The following WDR7 variants were observed in gnomAD, a reference collection of about 807,000 sequenced individuals.
The protein encoded by WDR7 is WD repeat domain 7.
Under a neutral mutation model 169.4 loss-of-function variants are expected in WDR7, and 46 were observed. That is an observed-to-expected ratio of 0.27 (90% CI 0.21 to 0.35). The LOEUF (loss-of-function observed/expected upper bound fraction) is 0.35. WDR7 is among the 10% of genes least tolerant of loss of function. WDR7 has a pLI of 1.00. For missense variants in WDR7, 1,534 were observed against 1,859.3 expected (o/e 0.83, Z 3.22); for synonymous variants, 612 against 666.8 (o/e 0.92, Z 1.27).
intron 20 of WDR7, among the ~76,000 whole-genome samples, chr18:56,827,837 A>G (rs1334549837): frequency 1.3e-5 from 2 of 152,144 alleles, no homozygotes; most frequent in Non-Finnish European, 2.9e-5. Flanking sequence ...TGCACCTACT[A>G]TATACCCACA....
intron 21 of WDR7, among the ~76,000 whole-genome samples, chr18:56,898,094 A>G (rs2046353303): frequency 6.6e-6 from 1 of 151,998 alleles, no homozygotes; most frequent in South Asian, 2.1e-4. Flanking sequence ...TGTGATGTCA[A>G]AAAATAAGGG....
chr18:57,021,750 TTTG>T (rs1412747617), intron 27 of WDR7, among the ~76,000 whole-genome samples: 15 of 152,354 alleles, frequency 9.8e-5, no homozygotes, highest in Admixed American at 3.9e-4. Context: ...AATTTAAAAT[TTTG>T]TTGTTACCTT....
In WDR7 at chr18:57,029,722, A is replaced by C. The variant is rs974275613; in HGVS notation, c.*2515A>C. On this transcript the variant is annotated 3_prime_UTR_variant, in exon 28 of 28. Coordinates refer to ENST00000254442, the MANE Select transcript of WDR7 (RefSeq NM_015285.3). ...TCTCCAGACATTTCTTAATGATTCC[A>C]CTTAATAGACTCTATGTGTGCTGAA... 2 of 152,156 alleles carry C rather than the reference A, an allele frequency of 1.3e-5. No individual in the cohort carries two copies. Among genetic ancestry groups the C allele is most frequent in the African/African-American group, 4.8e-5 (2 of 41,430 alleles). The allele number at this position is 152,156 out of a possible 1,614,324, so 9.4% of individuals were successfully genotyped here.
intron 20 of WDR7, among the ~76,000 whole-genome samples, chr18:56,834,632 C>T (rs1034950094): frequency 6.6e-6 from 1 of 151,980 alleles, no homozygotes; most frequent in Non-Finnish European, 1.5e-5. Context: ...GGACCATGCC[C>T]CCACTAGCAG....
chr18:56,780,398 G>A (rs74619241), intron 18 of WDR7, among the ~76,000 whole-genome samples: 11,346 of 152,006 alleles, frequency 0.075, 500 homozygotes, highest in Middle Eastern at 0.16. Flanking sequence ...ACTCCAAATG[G>A]GATTGCAGAA....
At chr18:56,748,498 A>C (rs1432851521) in intron 14 of WDR7, among the ~76,000 whole-genome samples, 1 of 152,204 alleles carries the variant, frequency 6.6e-6, no homozygotes, top group East Asian at 1.9e-4. Context: ...TATTTTCTTT[A>C]TCAAAGGCAT....
intron 14 of WDR7, among the ~76,000 whole-genome samples, chr18:56,751,633 A>T (rs937426163): frequency 2.0e-5 from 3 of 152,180 alleles, no homozygotes; most frequent in African/African-American, 7.2e-5. Flanking sequence ...CGTAATACCT[A>T]GTCTGGTGCC....
Position 56,816,129 on chromosome 18 carries a change from G to A in WDR7, c.3289G>A (p.Asp1097Asn). The A allele has an allele frequency of 1.9e-6, 3 of 1,613,436 alleles. No individual in the cohort carries two copies. Among genetic ancestry groups the A allele is most frequent in the Non-Finnish European group, 1.7e-6 (2 of 1,179,790 alleles). Reference sequence around the variant, plus strand: ...GGAGGAAGAGCATGACCTTGTTGACGATGACATCACCACTGGTAAGCACAG... The same window carrying A: ...GGAGGAAGAGCATGACCTTGTTGACAATGACATCACCACTGGTAAGCACAG... Reference protein sequence around the residue: ...VQEEEHDLVDDDITTGCLSSV... With the variant: ...VQEEEHDLVDNDITTGCLSSV... Residue 1097 changes from aspartate (D) to asparagine (N), a missense_variant, in exon 20 of 28, where the codon GAT becomes AAT. Asp to Asn is a conservative substitution (Grantham distance 23, BLOSUM62 1). Coordinates refer to ENST00000254442, the MANE Select transcript of WDR7 (RefSeq NM_015285.3).
chr18:56,826,288 A>G (rs1568217227), intron 20 of WDR7, among the ~76,000 whole-genome samples: 1 of 95,864 alleles, frequency 1.0e-5, no homozygotes, highest in African/African-American at 2.9e-5. Context: ...AATGACAACA[A>G]TGTCTCATAA....
intron 14 of WDR7, among the ~76,000 whole-genome samples, chr18:56,736,718 A>G (rs1248756500): frequency 1.3e-5 from 2 of 152,072 alleles, no homozygotes; most frequent in Non-Finnish European, 2.9e-5. Flanking sequence ...TGGTTTGGTC[A>G]GAAATCAGGG....
chr18:56,804,271 C>T (rs914984532), intron 19 of WDR7, among the ~76,000 whole-genome samples: 2 of 152,194 alleles, frequency 1.3e-5, no homozygotes, highest in African/African-American at 4.8e-5. Flanking sequence ...AATCTTGAAA[C>T]ACACAATCTC....
intron 14 of WDR7, chr18:56,753,347 A>C (rs894291602): frequency 6.6e-6 from 1 of 152,214 alleles, no homozygotes; most frequent in Non-Finnish European, 1.5e-5. Flanking sequence ...AATTTTCATA[A>C]TAGTCTTTGT....
At chr18:56,747,034 C>T (rs2043715431) in intron 14 of WDR7, among the ~76,000 whole-genome samples, 1 of 152,204 alleles carries the variant, frequency 6.6e-6, no homozygotes. Flanking sequence ...ATTTCCAGTG[C>T]TCAGCACAGT....
chr18:56,934,242 C>T (rs2046927870), intron 22 of WDR7, among the ~76,000 whole-genome samples: 4 of 152,140 alleles, frequency 2.6e-5, no homozygotes, highest in Admixed American at 6.5e-5. Flanking sequence ...ATTAAGCAGT[C>T]TAGCCCCAGC....
rs80101751 is a variant in WDR7 at position 56,859,194 on chromosome 18, C to T, written c.3305-20750C>T. Among the ~76,000 whole-genome samples, 152 of 152,248 alleles carry T rather than the reference C, an allele frequency of 1.0e-3. 1 individual carries two copies. In the East Asian group the frequency reaches 0.029, roughly 29 times the overall value. On this transcript the variant is annotated intron_variant, in intron 20 of 27. Transcript: ENST00000254442. The stretch of plus-strand genomic sequence containing the variant: ...GACTTTCTTATTGTTGTTGACCTTG[C>T]TTATTGATAAGTATTGCTTTCTTCC...
intron 21 of WDR7, among the ~76,000 whole-genome samples, chr18:56,911,175 A>G (rs1295298234): frequency 6.6e-6 from 1 of 152,130 alleles, no homozygotes; most frequent in Non-Finnish European, 1.5e-5. Flanking sequence ...TAGATAATGG[A>G]CTCAAAGGTT....
chr18:56,834,056 A>G (rs558608948), intron 20 of WDR7, among the ~76,000 whole-genome samples: 3 of 152,298 alleles, frequency 2.0e-5, no homozygotes, highest in African/African-American at 4.8e-5. Flanking sequence ...TAATGGCACA[A>G]TTCAGTTCCT....
chr18:56,767,155 A>G (rs922167174), intron 16 of WDR7, among the ~76,000 whole-genome samples: 1 of 152,186 alleles, frequency 6.6e-6, no homozygotes, highest in Non-Finnish European at 1.5e-5. Context: ...AGAATATCCA[A>G]TGCCCTGTGA....
intron 20 of WDR7, among the ~76,000 whole-genome samples, chr18:56,849,215 C>T (rs1365849386): frequency 2.6e-5 from 4 of 152,002 alleles, no homozygotes; most frequent in Non-Finnish European, 5.9e-5. Context: ...TTTTACAAAC[C>T]CTTATCAGGA....
Sources: allele counts gnomAD v4.1 joint callset (sites outside exome capture counted in the v4.1 genomes callset), GRCh38; gene constraint gnomAD v4.1.1; transcripts MANE v1.5; gene names NCBI Gene and HGNC (gene_info 2026-07-23, HGNC 2026-07-21).